PPP1R1C: variants seen among roughly 807,000 people sequenced by gnomAD.
PPP1R1C encodes the protein protein phosphatase 1 regulatory subunit 1C.
Under a neutral mutation model 17.4 loss-of-function variants are expected in PPP1R1C, and 15 were observed. The ratio of observed to expected loss-of-function variants is 0.86; its 90% CI spans 0.58 to 1.33. The LOEUF (loss-of-function observed/expected upper bound fraction) is 1.33. PPP1R1C is among the 40% of genes most tolerant of loss of function. PPP1R1C has a pLI of 0.00. For missense variants in PPP1R1C, 143 were observed against 130.0 expected (o/e 1.10, Z -0.48); for synonymous variants, 35 against 43.1 (o/e 0.81, Z 0.73).
chr2:182,027,290 G>A (rs1686647661), intron 2 of PPP1R1C, among the ~76,000 whole-genome samples: 1 of 135,630 alleles, frequency 7.4e-6, no homozygotes, highest in South Asian at 2.6e-4. Flanking sequence ...TCTTGTGCCA[G>A]TTTTCAAAGG....
Position 181,962,287 on chromosome 2 carries a change from G to T in PPP1R1C, n.111+7653G>T. 1.3e-6 allele frequency: 1 copy of T among 751,064 alleles called. No individual in the cohort carries two copies. The highest frequency in any genetic ancestry group is 2.3e-6 in the Non-Finnish European group (1 of 431,200). 46.5% of individuals were successfully genotyped at this position (751,064 alleles called of 1,614,324 possible). On this transcript the variant is annotated intron_variant and non_coding_transcript_variant, in intron 1 of 5. Transcript: ENST00000464264. This position sits in a 1 kb window ranked among gnomAD's most constrained non-coding sequence, Gnocchi z 6.0. Reference sequence around the variant, plus strand: ...CTGCCAGACCCCCGGCCATCCCCGCGGCCAGGTCCCCGGACCCCATGCCAC... The same window carrying T: ...CTGCCAGACCCCCGGCCATCCCCGCTGCCAGGTCCCCGGACCCCATGCCAC...
chr2:182,051,352 G>A (rs1027494366), intron 2 of PPP1R1C, among the ~76,000 whole-genome samples: 1 of 152,194 alleles, frequency 6.6e-6, no homozygotes, highest in African/African-American at 2.4e-5. Flanking sequence ...TCAGCCTCCA[G>A]TAATGGTTAC....
intron 4 of PPP1R1C, among the ~76,000 whole-genome samples, chr2:182,093,188 C>A (rs984946941): frequency 1.9e-4 from 29 of 152,210 alleles, no homozygotes; most frequent in Admixed American, 6.5e-5. Flanking sequence ...AGGCTCAACA[C>A]CATGTAGAAG....
At chr2:182,114,620 T>C (rs1483527380) in intron 4 of PPP1R1C, among the ~76,000 whole-genome samples, 1 of 152,088 alleles carries the variant, frequency 6.6e-6, no homozygotes, top group Non-Finnish European at 1.5e-5. Flanking sequence ...CATTATCCAA[T>C]TGAAAGATGG....
chr2:182,094,265 G>A (rs913855491), intron 4 of PPP1R1C, among the ~76,000 whole-genome samples: 3 of 152,124 alleles, frequency 2.0e-5, no homozygotes, highest in Non-Finnish European at 2.9e-5. Context: ...TACAAGAACA[G>A]CATGGGAAAG....
At chr2:182,007,892 C>G (rs1685969576) in intron 2 of PPP1R1C, among the ~76,000 whole-genome samples, 1 of 152,092 alleles carries the variant, frequency 6.6e-6, no homozygotes, top group Non-Finnish European at 1.5e-5. Context: ...GAAACCCCGT[C>G]TCTGCTAAAA....
Position 182,127,065 on chromosome 2 carries a change from T to C in PPP1R1C, c.*7-1909T>C, listed in dbSNP as rs544254971. 3.3e-5 allele frequency among the ~76,000 whole-genome samples: 5 copies of C among 152,228 alleles called. No individual in the cohort carries two copies. The South Asian group carries it at 1.0e-3, about 32-fold the overall frequency. ...ATCCCAGCAGTATATAAAATTACCA[T>C]ATTAGAATCCTGAAAGTAACAGAAT... On this transcript the variant is annotated intron_variant, in intron 5 of 5. Coordinates refer to the PPP1R1C transcript ENST00000280295.
chr2:182,029,424 T>A (rs1364021437), intron 2 of PPP1R1C, among the ~76,000 whole-genome samples: 1 of 152,072 alleles, frequency 6.6e-6, no homozygotes, highest in African/African-American at 2.4e-5. Flanking sequence ...ACCAAATCTC[T>A]CAGCATTTGC....
chr2:181,998,527 T>C (rs1376124088), intron 2 of PPP1R1C, among the ~76,000 whole-genome samples: 2 of 152,244 alleles, frequency 1.3e-5, no homozygotes, highest in East Asian at 3.8e-4. Context: ...TCAGCCATTA[T>C]AGAATCTTAT....
At chr2:182,101,847 G>A (rs527565076) in intron 4 of PPP1R1C, among the ~76,000 whole-genome samples, 3 of 152,108 alleles carry the variant, frequency 2.0e-5, no homozygotes, top group Non-Finnish European at 4.4e-5. Context: ...CTGCCCTCTG[G>A]GCCAGTAACT....
At chr2:181,997,456 A>G (rs1167195273) in intron 2 of PPP1R1C, among the ~76,000 whole-genome samples, 1 of 148,004 alleles carries the variant, frequency 6.8e-6, no homozygotes, top group Non-Finnish European at 1.5e-5. Context: ...CAGGTTTTAA[A>G]TGGAATAAGC....
chr2:181,962,459 G>T lies in PPP1R1C; in HGVS notation n.111+7825G>T. 1.4e-6 allele frequency: 1 copy of T among 702,854 alleles called. No individual in the cohort carries two copies. The highest frequency in any genetic ancestry group is 1.4e-5 in the South Asian group (1 of 70,838). The allele number at this position is 702,854 out of a possible 1,614,324, so 43.5% of individuals were successfully genotyped here. A position where few individuals can be genotyped will look rare whatever the true frequency, so the allele number is the denominator to read the frequency against. ...GAACAGGTAGTTGGTGGAGAAGATG[G>T]AGCGAGTGGTGAAGCTCATGCTATC... On this transcript the variant is annotated intron_variant and non_coding_transcript_variant, in intron 1 of 5. Coordinates refer to the PPP1R1C transcript ENST00000464264. The surrounding 1 kb of genome is among the most constrained non-coding windows in gnomAD (Gnocchi z 6.0).
chr2:182,038,578 T>C (rs544974165), intron 2 of PPP1R1C, among the ~76,000 whole-genome samples: 4 of 152,164 alleles, frequency 2.6e-5, no homozygotes, highest in African/African-American at 4.8e-5. Flanking sequence ...TTTAGATAGG[T>C]TGAAACCCTT....
In PPP1R1C at chr2:182,084,551, T is replaced by C. The variant is rs1165628713; in HGVS notation, c.241+20760T>C. ...CCTTTCCCCATTTTATGTTTTTGTA[T>C]GCTTCATTTAAGATCAGCTGGCTGT... On this transcript the variant is annotated intron_variant, in intron 4 of 4. Transcript: ENST00000682840. Among the ~76,000 whole-genome samples the C allele has an allele frequency of 3.9e-5, 6 of 152,100 alleles. No homozygotes were observed. The South Asian group carries it at 1.2e-3, about 31-fold the overall frequency.
At chr2:182,007,683 G>A (rs532454229) in intron 2 of PPP1R1C, among the ~76,000 whole-genome samples, 6 of 152,316 alleles carry the variant, frequency 3.9e-5, no homozygotes, top group African/African-American at 1.4e-4. Context: ...CAAAGTGCCT[G>A]GAGACTAGGA....
chr2:182,127,914 T>C (rs1334452184), intron 5 of PPP1R1C, among the ~76,000 whole-genome samples: 2 of 152,048 alleles, frequency 1.3e-5, no homozygotes, highest in Admixed American at 1.3e-4. Context: ...GTTAAAAATA[T>C]TAACATTCTG....
chr2:182,004,820 T>TA (rs1347380454), intron 2 of PPP1R1C, among the ~76,000 whole-genome samples: 3 of 152,222 alleles, frequency 2.0e-5, no homozygotes, highest in Non-Finnish European at 4.4e-5. Context: ...TTAGTGAACT[T>TA]AATGATTTAT....
chr2:182,041,824 G>A (rs1376366137), intron 2 of PPP1R1C, among the ~76,000 whole-genome samples: 1 of 152,062 alleles, frequency 6.6e-6, no homozygotes, highest in East Asian at 1.9e-4. Context: ...ATGTCATCAT[G>A]TTTGCTTCCT....
intron 4 of PPP1R1C, among the ~76,000 whole-genome samples, chr2:182,096,269 G>A (rs931241642): frequency 2.0e-5 from 3 of 152,142 alleles, no homozygotes; most frequent in African/African-American, 4.8e-5. Context: ...CTGGGTACAG[G>A]GTGGGACTTC....
Sources: gnomAD v4.1 joint callset for allele counts (sites outside exome capture counted in the v4.1 genomes callset) on GRCh38, gnomAD v4.1.1 for gene constraint, Gnocchi (gnomAD v3.1) non-coding constraint, MANE v1.5 for transcripts, NCBI Gene and HGNC (gene_info 2026-07-23, HGNC 2026-07-21) for gene names.